The following DOCK9 variants were observed in gnomAD, a reference collection of about 807,000 sequenced individuals.
DOCK9 encodes dedicator of cytokinesis protein 9.
A neutral mutation model predicts 263.3 loss-of-function variants in DOCK9; 89 were observed. That is an observed-to-expected ratio of 0.34 (90% CI 0.28 to 0.40). The LOEUF (loss-of-function observed/expected upper bound fraction) is 0.40. DOCK9 is among the 10% of genes least tolerant of loss of function. DOCK9 has a pLI of 1.00. For synonymous variants in DOCK9, 976 were observed against 973.1 expected (o/e 1.00, Z -0.06); for missense variants, 2,140 against 2,603.4 (o/e 0.82, Z 3.87).
intron 1 of DOCK9, among the ~76,000 whole-genome samples, chr13:99,024,724 T>C (rs1259879615): frequency 6.6e-6 from 1 of 152,190 alleles, no homozygotes; most frequent in African/African-American, 2.4e-5. Flanking sequence ...TTAAAAACTA[T>C]TGCAATTTAG....
intron 10 of DOCK9, among the ~76,000 whole-genome samples, chr13:98,903,623 A>AAAAAAAAAAAAAAAAAAAAAGAC (rs2048661308): frequency 4.7e-5 from 1 of 21,308 alleles, no homozygotes. Flanking sequence ...AAAAAAAGAC[A>AAAAAAAAAAAAAAAAAAAAAGAC]AAAAAAAAAA....
chr13:99,023,852 G>A (rs943013793), intron 1 of DOCK9, among the ~76,000 whole-genome samples: 2 of 152,146 alleles, frequency 1.3e-5, no homozygotes, highest in African/African-American at 4.8e-5. Context: ...TGACTGCATT[G>A]CACTTCCTAG....
intron 9 of DOCK9, 107 bp from the exon 10 acceptor site, chr13:98,904,813 A>G (rs2048842199): frequency 2.1e-6 from 2 of 953,558 alleles, no homozygotes; most frequent in East Asian, 5.3e-5. Flanking sequence ...GCTGCTGGAA[A>G]GCTCTGCCTC....
chr13:98,996,495 G>A (rs1881066811), intron 1 of DOCK9, among the ~76,000 whole-genome samples: 1 of 152,154 alleles, frequency 6.6e-6, no homozygotes. Context: ...TGCCTTACAG[G>A]TCCTTACATT....
At chr13:99,072,500 T>A (rs754970258) in intron 1 of DOCK9, among the ~76,000 whole-genome samples, 1 of 152,182 alleles carries the variant, frequency 6.6e-6, no homozygotes, top group African/African-American at 2.4e-5. Context: ...CTGATGAAAC[T>A]GAGGGAAACT....
intron 28 of DOCK9, 82 bp from the exon 29 acceptor site, chr13:98,868,093 T>C: frequency 6.5e-7 from 1 of 1,540,238 alleles, no homozygotes; most frequent in East Asian, 2.3e-5. Flanking sequence ...TTATTGCTAA[T>C]AAGTTTATCC....
At chr13:99,015,504 T>C (rs894820402) in intron 1 of DOCK9, 21 of 1,598,106 alleles carry the variant, frequency 1.3e-5, no homozygotes, top group Non-Finnish European at 1.7e-5. Context: ...ATGCTGTATA[T>C]TCAAGGGCAT....
At chr13:98,842,025 C>T (rs2093238689) in intron 38 of DOCK9, among the ~76,000 whole-genome samples, 1 of 152,130 alleles carries the variant, frequency 6.6e-6, no homozygotes, top group Admixed American at 6.5e-5. Flanking sequence ...ATTATCCATG[C>T]TTTAAAACTT....
intron 1 of DOCK9, among the ~76,000 whole-genome samples, chr13:99,043,256 A>G (rs770086249): frequency 1.3e-5 from 2 of 152,246 alleles, no homozygotes; most frequent in Non-Finnish European, 2.9e-5. Flanking sequence ...GGCAAAAGGA[A>G]GAAACTGGGG....
rs776951843 is a variant in DOCK9, at chr13:98,809,474, C to T, written c.5254-9G>A. 1.9e-6 allele frequency: 3 copies of T among 1,579,964 alleles called. No individual in the cohort carries two copies. The South Asian group carries it at 3.5e-5, about 18-fold the overall frequency. ...TACAGATGGGCCAGCCTCTGGAAAGCAGAACAAAGCCCATTTCTTCCCATG... is the reference window on the plus strand; with the variant it reads ...TACAGATGGGCCAGCCTCTGGAAAGTAGAACAAAGCCCATTTCTTCCCATG... On this transcript the variant is annotated splice_polypyrimidine_tract_variant and intron_variant, in intron 46 of 52. Transcript: ENST00000682017.
intron 1 of DOCK9, among the ~76,000 whole-genome samples, chr13:98,962,625 C>A (rs1344120986): frequency 6.1e-5 from 9 of 148,402 alleles, no homozygotes; most frequent in Non-Finnish European, 1.3e-4. Context: ...ATGTTGCTTG[C>A]ATGATAGGTT....
At chr13:99,083,256 GAA>G (rs1164615270) in intron 1 of DOCK9, among the ~76,000 whole-genome samples, 1 of 133,758 alleles carries the variant, frequency 7.5e-6, no homozygotes, top group African/African-American at 2.8e-5. Flanking sequence ...CTCCATCTCA[GAA>G]AAAAAAAAAA....
chr13:98,806,491 T>C (rs2090722730), intron 48 of DOCK9, among the ~76,000 whole-genome samples: 1 of 152,198 alleles, frequency 6.6e-6, no homozygotes, highest in South Asian at 2.1e-4. Context: ...ATGGAGACCA[T>C]ACTGGTATAA....
At chr13:98,939,241 A>G (rs1323268692) in intron 2 of DOCK9, among the ~76,000 whole-genome samples, 1 of 152,212 alleles carries the variant, frequency 6.6e-6, no homozygotes, top group Admixed American at 6.5e-5. Context: ...GGGTAATTTC[A>G]GGGTACCTGG....
chr13:99,006,830 A>G (rs942123796), intron 1 of DOCK9, among the ~76,000 whole-genome samples: 13 of 152,000 alleles, frequency 8.6e-5, no homozygotes, highest in Admixed American at 3.3e-4. Flanking sequence ...GGTGGCTCAC[A>G]CCTGTAATCC....
At chr13:98,828,939 G>A (rs1431508735) in intron 43 of DOCK9, among the ~76,000 whole-genome samples, 1 of 152,162 alleles carries the variant, frequency 6.6e-6, no homozygotes, top group Admixed American at 6.5e-5. Context: ...CTACCCTACA[G>A]AGGAGAAAGC....
chr13:98,942,076 C>A (rs2055953941), intron 2 of DOCK9, among the ~76,000 whole-genome samples: 1 of 152,170 alleles, frequency 6.6e-6, no homozygotes, highest in South Asian at 2.1e-4. Context: ...ACGACTAAAT[C>A]TTGGGTCCTG....
chr13:98,809,106 A>G, intron 47 of DOCK9: 1 of 1,543,468 alleles, frequency 6.5e-7, no homozygotes, highest in Non-Finnish European at 8.7e-7. Context: ...AGAATGTCTT[A>G]AGGAGGAAGA....
chr13:98,879,209 TG>T (rs2044349482), intron 27 of DOCK9, among the ~76,000 whole-genome samples: 1 of 152,156 alleles, frequency 6.6e-6, no homozygotes, highest in African/African-American at 2.4e-5. Context: ...CACACCTCAG[TG>T]GGCACCAGTC....
Sources: gnomAD v4.1 joint callset for allele counts (sites outside exome capture counted in the v4.1 genomes callset) on GRCh38, gnomAD v4.1.1 for gene constraint, MANE v1.5 for transcripts, NCBI Gene and HGNC (gene_info 2026-07-23, HGNC 2026-07-21) for gene names.